Variants in KCNQ3 observed in about 807,000 individuals in gnomAD.
The protein encoded by KCNQ3 is potassium voltage-gated channel subfamily KQT member 3.
KCNQ3 carries 30 observed loss-of-function variants against 92.5 expected under a neutral mutation model. The observed-to-expected ratio is 0.32, with a 90% CI of 0.24 to 0.44. The LOEUF is 0.44. Ranked by LOEUF, KCNQ3 falls within the 20% of genes least tolerant of loss-of-function variation. The pLI is 1.00. For synonymous variants in KCNQ3, 450 were observed against 468.8 expected (o/e 0.96, Z 0.52); for missense variants, 913 against 1,140.3 (o/e 0.80, Z 2.87).
chr8:132,168,878 C>A (rs1826220731), intron 8 of KCNQ3, among the ~76,000 whole-genome samples: 1 of 151,432 alleles, frequency 6.6e-6, no homozygotes. Context: ...ATGACAGAAA[C>A]TTGCTTTGAG....
chr8:132,378,188 G>A lies in KCNQ3; in HGVS notation c.386+101959C>T, dbSNP rs1359602615. On this transcript the variant is annotated intron_variant, in intron 1 of 14. Coordinates refer to ENST00000388996, the MANE Select transcript of KCNQ3 (RefSeq NM_004519.4). ...GTGGGTGGATCGTTGGAGGTTTGGAGTTTGAGATGAGCCTGGCCAACATGG... is the reference window on the plus strand; with the variant it reads ...GTGGGTGGATCGTTGGAGGTTTGGAATTTGAGATGAGCCTGGCCAACATGG... Among the ~76,000 whole-genome samples, 2 of 152,098 alleles carry A rather than the reference G, an allele frequency of 1.3e-5. 1 individual carries two copies. Among genetic ancestry groups the A allele is most frequent in the Admixed American group, 1.3e-4 (2 of 15,274 alleles).
chr8:132,272,829 C>T (rs932152593), intron 1 of KCNQ3, among the ~76,000 whole-genome samples: 3 of 152,134 alleles, frequency 2.0e-5, no homozygotes, highest in African/African-American at 7.2e-5. Context: ...ACAGCCAAAC[C>T]ATATATTCCA....
chr8:132,433,103 A>G (rs758899782), intron 1 of KCNQ3, among the ~76,000 whole-genome samples: 3 of 152,208 alleles, frequency 2.0e-5, no homozygotes, highest in Non-Finnish European at 4.4e-5. Flanking sequence ...ATATTGGAGG[A>G]GAATTGGAGG....
intron 1 of KCNQ3, among the ~76,000 whole-genome samples, chr8:132,393,462 A>G (rs1820103560): frequency 1.3e-5 from 2 of 152,352 alleles, no homozygotes; most frequent in South Asian, 2.1e-4. Context: ...GTAAACAAAG[A>G]GTATGGCTGG....
In KCNQ3 at chr8:132,123,467, CCA is replaced by C. The variant is rs1824558908; in HGVS notation, c.*5793_*5794del. 1 of 152,198 alleles carries C rather than the reference CCA, an allele frequency of 6.6e-6. No individual in the cohort carries two copies. The highest frequency in any genetic ancestry group is 1.5e-5 in the Non-Finnish European group (1 of 68,040). The allele number at this position is 152,198 out of a possible 1,614,324, so 9.4% of individuals were successfully genotyped here. A position where few individuals can be genotyped will look rare whatever the true frequency, so the allele number is the denominator to read the frequency against. On this transcript the variant is annotated 3_prime_UTR_variant, in exon 15 of 15. Transcript: ENST00000388996. ...ACAGCATGGAAACATCAATCTTATTCCAGAGAAGGGAAGAAGTCCCCAAAGGT... is the reference window on the plus strand; with the variant it reads ...ACAGCATGGAAACATCAATCTTATTCGAGAAGGGAAGAAGTCCCCAAAGGT...
intron 1 of KCNQ3, among the ~76,000 whole-genome samples, chr8:132,220,764 T>C (rs1814199338): frequency 6.6e-6 from 1 of 151,798 alleles, no homozygotes; most frequent in Admixed American, 6.6e-5. Context: ...CATAAATACA[T>C]AAATAAAAAA....
At chr8:132,172,537 A>T in intron 7 of KCNQ3, 61 bp downstream of exon 7, 1 of 1,409,786 alleles carries the variant, frequency 7.1e-7, no homozygotes, top group Non-Finnish European at 1.0e-6. Flanking sequence ...ACACACACAC[A>T]CACGTATGTA....
intron 1 of KCNQ3, among the ~76,000 whole-genome samples, chr8:132,270,230 T>A (rs2130496436): frequency 6.6e-6 from 1 of 152,346 alleles, no homozygotes; most frequent in East Asian, 1.9e-4. Context: ...CAATGGGCGT[T>A]GACGTCGCCA....
intron 1 of KCNQ3, among the ~76,000 whole-genome samples, chr8:132,252,578 A>T (rs994848698): frequency 6.6e-6 from 1 of 152,200 alleles, no homozygotes. Context: ...GACCCAAGCC[A>T]GTTGCTGCTG....
intron 1 of KCNQ3, among the ~76,000 whole-genome samples, chr8:132,316,237 T>C (rs1020194061): frequency 2.4e-4 from 37 of 152,180 alleles, no homozygotes; most frequent in African/African-American, 8.4e-4. Context: ...CATCATTCTG[T>C]CCTGAAGGAT....
At chr8:132,228,079 C>G (rs1814491351) in intron 1 of KCNQ3, among the ~76,000 whole-genome samples, 1 of 152,012 alleles carries the variant, frequency 6.6e-6, no homozygotes, top group Non-Finnish European at 1.5e-5. Flanking sequence ...TTTGCTCATG[C>G]AAAATGATGT....
At chr8:132,459,953 C>T (rs1489620093) in intron 1 of KCNQ3, among the ~76,000 whole-genome samples, 1 of 96,168 alleles carries the variant, frequency 1.0e-5, no homozygotes, top group Non-Finnish European at 2.3e-5. Context: ...TTTTGTTATA[C>T]TCCAGTATTA....
chr8:132,153,531 T>C (rs1825700296), intron 9 of KCNQ3, among the ~76,000 whole-genome samples: 1 of 152,180 alleles, frequency 6.6e-6, no homozygotes, highest in African/African-American at 2.4e-5. Context: ...CAGAGGCAGA[T>C]GATAACAGCA....
intron 1 of KCNQ3, among the ~76,000 whole-genome samples, chr8:132,335,386 T>C (rs1350674986): frequency 6.6e-6 from 1 of 152,170 alleles, no homozygotes; most frequent in Non-Finnish European, 1.5e-5. Flanking sequence ...CACCCAAGTC[T>C]TTCCATGATG....
At chr8:132,260,015 T>A (rs1046358181) in intron 1 of KCNQ3, among the ~76,000 whole-genome samples, 4 of 152,162 alleles carry the variant, frequency 2.6e-5, no homozygotes, top group Non-Finnish European at 5.9e-5. Context: ...TAAATAAATA[T>A]TAAGACATCC....
intron 1 of KCNQ3, among the ~76,000 whole-genome samples, chr8:132,206,969 A>G (rs1031963834): frequency 1.3e-5 from 2 of 152,182 alleles, no homozygotes; most frequent in African/African-American, 2.4e-5. Flanking sequence ...TCTTCCACTT[A>G]GTTATAAAAT....
chr8:132,438,317 C>G (rs940647603), intron 1 of KCNQ3, among the ~76,000 whole-genome samples: 1 of 152,156 alleles, frequency 6.6e-6, no homozygotes, highest in Non-Finnish European at 1.5e-5. Flanking sequence ...TGTCTCAATC[C>G]TTGGAGCTCC....
Position 132,129,563 on chromosome 8 carries a change from C to T in KCNQ3, c.2318G>A (p.Arg773Gln), listed in dbSNP as rs769160647. The T allele has an allele frequency of 2.4e-5, 39 of 1,614,066 alleles. No individual in the cohort carries two copies. Among genetic ancestry groups the T allele is most frequent in the Admixed American group, 8.3e-5 (5 of 59,998 alleles). Residue 773 changes from arginine to glutamine, a missense_variant, in exon 15 of 15, where the codon CGA becomes CAA. Arg to Gln is a conservative substitution (Grantham distance 43). This residue lies in a region of KCNQ3 where 375 missense variants were observed against 376.4 expected (regional missense o/e 1.00). Transcript: ENST00000388996. The surrounding 1 kb of genome is among the most constrained non-coding windows in gnomAD (Gnocchi z 5.9). ...QADLQGPYSD[R>Q]ISPRQRRSIT... ...GCTACGTCTCTGCCGGGGGGAGATT[C>T]GGTCCGAGTAGGGGCCCTGCAGGTC...
At chr8:132,442,063 T>C (rs760465853) in intron 1 of KCNQ3, among the ~76,000 whole-genome samples, 1 of 152,130 alleles carries the variant, frequency 6.6e-6, no homozygotes, top group African/African-American at 2.4e-5. Flanking sequence ...CAGCATACAC[T>C]GCGGTCTTTC....
Sources: allele counts gnomAD v4.1 joint callset (sites outside exome capture counted in the v4.1 genomes callset), GRCh38; gene constraint gnomAD v4.1.1; regional missense constraint gnomAD v4.1.1; non-coding constraint Gnocchi (gnomAD v3.1); transcripts MANE v1.5; gene names NCBI Gene and HGNC (gene_info 2026-07-23, HGNC 2026-07-21).